Variants in PDIA5 observed in about 807,000 individuals in gnomAD.
PDIA5 encodes the protein protein disulfide isomerase family A member 5, also known as protein disulfide-isomerase A5.
Under a neutral mutation model 77.6 loss-of-function variants are expected in PDIA5, and 58 were observed. That is an observed-to-expected ratio of 0.75 (90% CI 0.61 to 0.93). PDIA5 has a LOEUF of 0.93. PDIA5 is among the 40% of genes least tolerant of loss of function. The pLI is 0.00. For synonymous variants in PDIA5, 250 were observed against 252.1 expected, an observed-to-expected ratio of 0.99 and a Z score of 0.08; for missense variants, 630 against 647.7, an observed-to-expected ratio of 0.97 and a Z score of 0.30.
At chr3:123,141,033 G>A (rs1364656094) in intron 11 of PDIA5, among the ~76,000 whole-genome samples, 4 of 152,224 alleles carry the variant, frequency 2.6e-5, no homozygotes, top group Non-Finnish European at 5.9e-5. Context: ...CAGGGCAGTG[G>A]CATCAAAGGC....
At chr3:123,092,503 T>A in intron 3 of PDIA5, 61 bp downstream of exon 3, 2 of 1,194,610 alleles carry the variant, frequency 1.7e-6, no homozygotes, top group Non-Finnish European at 2.5e-6. Context: ...GGGGCTTTGA[T>A]TGGTGGGGAC....
intron 10 of PDIA5, among the ~76,000 whole-genome samples, chr3:123,126,830 G>A (rs1268859387): frequency 6.6e-6 from 1 of 152,246 alleles, no homozygotes; most frequent in Non-Finnish European, 1.5e-5. Flanking sequence ...GACTCTGGTG[G>A]TTGGACCAGG....
chr3:123,112,741 G>C (rs189929194), intron 7 of PDIA5, among the ~76,000 whole-genome samples: 80 of 151,960 alleles, frequency 5.3e-4, no homozygotes, highest in African/African-American at 1.9e-3. Flanking sequence ...TATATTTTTA[G>C]TAGAGATGGG....
chr3:123,127,611 T>C (rs930185082), intron 10 of PDIA5, among the ~76,000 whole-genome samples: 1 of 152,196 alleles, frequency 6.6e-6, no homozygotes, highest in Non-Finnish European at 1.5e-5. Context: ...CTTCTTTCCC[T>C]CTCCTCTGCT....
At chr3:123,150,436 ACACC>A (rs1170942816) in intron 14 of PDIA5, 72 bp downstream of exon 14, 1 of 1,474,050 alleles carries the variant, frequency 6.8e-7, no homozygotes, top group Non-Finnish European at 9.2e-7. Context: ...AAAGACCCGC[ACACC>A]CACCCCAGGG....
At chr3:123,121,628 AG>A (rs1435624159) in intron 8 of PDIA5, among the ~76,000 whole-genome samples, 1 of 152,186 alleles carries the variant, frequency 6.6e-6, no homozygotes, top group Non-Finnish European at 1.5e-5. Flanking sequence ...GGGATGGGTG[AG>A]TCTGGAGGGT....
Position 123,067,124 on chromosome 3 carries a change from C to T in PDIA5, c.-41C>T, listed in dbSNP as rs371374816. ...CAGGCGGGCGGGCGGGAGCGGGCGC[C>T]GGAGTGGAGAAAGGAGCCAGCGGTG... On this transcript the variant is annotated 5_prime_UTR_variant, in exon 1 of 17. Coordinates refer to ENST00000316218, the MANE Select transcript of PDIA5 (RefSeq NM_006810.4). 5.6e-6 allele frequency: 7 copies of T among 1,239,604 alleles called. 1 individual carries two copies. The highest frequency in any genetic ancestry group is 6.3e-5 in the East Asian group (2 of 31,758). The allele number at this position is 1,239,604 out of a possible 1,614,324, so 76.8% of individuals were successfully genotyped here. A position where few individuals can be genotyped will look rare whatever the true frequency, so the allele number is the denominator to read the frequency against.
rs747151820 is a variant in PDIA5, at chr3:123,116,208, G to A, written c.542-23G>A. 14 of 1,609,222 alleles carry A rather than the reference G, an allele frequency of 8.7e-6. No individual in the cohort carries two copies. The East Asian group carries it at 1.6e-4, about 18-fold the overall frequency. On this transcript the variant is annotated intron_variant, in intron 7 of 16. Transcript: ENST00000316218. ...TCAGCCATCCCTGTAACCGGATGTG[G>A]TCTCTCTCCTGCCTGTGACCAGGGT...
chr3:123,156,256 T>A (rs1936018413), intron 15 of PDIA5, among the ~76,000 whole-genome samples: 1 of 152,092 alleles, frequency 6.6e-6, no homozygotes, highest in Admixed American at 6.5e-5. Context: ...GGGAACCTGA[T>A]TCTCACTTAG....
chr3:123,075,516 G>T (rs946502158), intron 1 of PDIA5, among the ~76,000 whole-genome samples: 12 of 152,202 alleles, frequency 7.9e-5, no homozygotes, highest in Admixed American at 7.9e-4. Context: ...TGCCTGTAGG[G>T]TTTATCTATA....
intron 1 of PDIA5, among the ~76,000 whole-genome samples, chr3:123,076,581 C>T (rs1933865222): frequency 6.6e-6 from 1 of 152,210 alleles, no homozygotes; most frequent in Admixed American, 6.5e-5. Context: ...AGACTCTCAG[C>T]TTCAGAGGAT....
chr3:123,115,562 G>A (rs1934974364), intron 7 of PDIA5, among the ~76,000 whole-genome samples: 1 of 152,198 alleles, frequency 6.6e-6, no homozygotes, highest in Admixed American at 6.5e-5. Flanking sequence ...TCATCTGCCA[G>A]AAGAAACAGC....
chr3:123,130,730 C>T, intron 11 of PDIA5, 114 bp downstream of exon 11: 1 of 1,198,336 alleles, frequency 8.3e-7, no homozygotes, highest in East Asian at 2.4e-5. Context: ...TGCCAGGACC[C>T]ATGCTAAGCC....
intron 5 of PDIA5, among the ~76,000 whole-genome samples, chr3:123,106,108 A>G (rs1934724011): frequency 6.6e-6 from 1 of 152,252 alleles, no homozygotes; most frequent in African/African-American, 2.4e-5. Flanking sequence ...GGGCCCCAGC[A>G]TGAGAAGTAT....
chr3:123,124,021 C>T (rs926578799), intron 8 of PDIA5, 45 bp from the exon 9 acceptor site: 20 of 1,241,164 alleles, frequency 1.6e-5, no homozygotes, highest in Non-Finnish European at 2.3e-5. Context: ...TAGAGGGTGT[C>T]TGTGGGGCAC....
At chr3:123,145,494 A>C in intron 11 of PDIA5, 28 bp from the exon 12 acceptor site, 1 of 1,600,420 alleles carries the variant, frequency 6.2e-7, no homozygotes, top group Non-Finnish European at 8.6e-7. Context: ...GTGCCATAAG[A>C]ATGGTTTCTC....
intron 13 of PDIA5, among the ~76,000 whole-genome samples, chr3:123,148,313 A>G (rs113678776): frequency 7.9e-5 from 12 of 152,278 alleles, no homozygotes; most frequent in African/African-American, 2.9e-4. Context: ...CATGGCTGTA[A>G]TCCTAGCACT....
At chr3:123,125,356 GTTCTC>G (rs1935218889) in intron 10 of PDIA5, among the ~76,000 whole-genome samples, 2 of 152,148 alleles carry the variant, frequency 1.3e-5, no homozygotes, top group Non-Finnish European at 2.9e-5. Flanking sequence ...AGATGTTACC[GTTCTC>G]TTCATTTTAT....
At chr3:123,110,155 G>A (rs1455421512) in intron 6 of PDIA5, among the ~76,000 whole-genome samples, 1 of 152,210 alleles carries the variant, frequency 6.6e-6, no homozygotes, top group Non-Finnish European at 1.5e-5. Context: ...CTCATTGGAA[G>A]AAAAGTCTCT....
Sources: allele counts gnomAD v4.1 joint callset (sites outside exome capture counted in the v4.1 genomes callset), GRCh38; gene constraint gnomAD v4.1.1; transcripts MANE v1.5; gene names NCBI Gene and HGNC (gene_info 2026-07-23, HGNC 2026-07-21).